The following CAP2 variants were observed in gnomAD, a reference collection of about 807,000 sequenced individuals.
The protein encoded by CAP2 is adenylyl cyclase-associated protein 2.
Under a neutral mutation model 57.7 loss-of-function variants are expected in CAP2, and 24 were observed. The ratio of observed to expected loss-of-function variants is 0.42; its 90% CI spans 0.30 to 0.58. CAP2 has a LOEUF of 0.58. Ranked by LOEUF, CAP2 falls within the 20% of genes least tolerant of loss-of-function variation. The probability of loss-of-function intolerance (pLI) is 0.22; values close to 1 mark genes in which losing one functional copy is unlikely to be tolerated. For missense variants in CAP2, 501 were observed against 590.3 expected, an observed-to-expected ratio of 0.85 and a Z score of 1.57; for synonymous variants, 194 against 207.2, an observed-to-expected ratio of 0.94 and a Z score of 0.55.
At position 17,428,774 on chromosome 6, in the gene CAP2, T is replaced by TAA. The variant is rs5874606; in HGVS notation, c.222+2094_222+2095dup. Among the ~76,000 whole-genome samples, 307 of 147,142 alleles carry TAA rather than the reference T, an allele frequency of 2.1e-3. 1 individual carries two copies. The highest frequency in any genetic ancestry group is 6.4e-3 in the African/African-American group (253 of 39,832). Reference sequence around the variant, plus strand: ...ATGTACCCTAAAACTTAAAGTATAATAAAAAAAAAAAGTTAAAAAAAGTAT... The same window carrying TAA: ...ATGTACCCTAAAACTTAAAGTATAATAAAAAAAAAAAAAGTTAAAAAAAGTAT... On this transcript the variant is annotated intron_variant, in intron 3 of 12. Coordinates refer to ENST00000229922, the MANE Select transcript of CAP2 (RefSeq NM_006366.3).
intron 1 of CAP2, among the ~76,000 whole-genome samples, chr6:17,411,547 G>A (rs1759141062): frequency 6.6e-6 from 1 of 152,198 alleles, no homozygotes; most frequent in African/African-American, 2.4e-5. Context: ...GATTACTGAT[G>A]TTGAGCCCTT....
At chr6:17,393,960 G>C (rs1339460921) in intron 1 of CAP2, among the ~76,000 whole-genome samples, 1 of 147,824 alleles carries the variant, frequency 6.8e-6, no homozygotes, top group Non-Finnish European at 1.5e-5. Flanking sequence ...CGCGGGCGCG[G>C]GCGGACTCCC....
chr6:17,434,879 C>A (rs574708848), intron 3 of CAP2, among the ~76,000 whole-genome samples: 2 of 150,144 alleles, frequency 1.3e-5, no homozygotes, highest in African/African-American at 4.9e-5. Flanking sequence ...AGGACATGAA[C>A]AGACACTTCT....
At chr6:17,468,951 T>C (rs1018245339) in intron 4 of CAP2, among the ~76,000 whole-genome samples, 1 of 152,196 alleles carries the variant, frequency 6.6e-6, no homozygotes, top group African/African-American at 2.4e-5. Context: ...ACACTACACG[T>C]CATTTATAAG....
intron 3 of CAP2, among the ~76,000 whole-genome samples, chr6:17,445,029 T>C (rs1359705257): frequency 6.6e-6 from 1 of 152,218 alleles, no homozygotes; most frequent in Non-Finnish European, 1.5e-5. Flanking sequence ...TATTGACTTA[T>C]AATCACTGAC....
chr6:17,512,132 G>A (rs1762170805), intron 6 of CAP2, among the ~76,000 whole-genome samples: 1 of 152,108 alleles, frequency 6.6e-6, no homozygotes, highest in South Asian at 2.1e-4. Flanking sequence ...GCTCATGCCT[G>A]TAATCCCAGC....
At chr6:17,512,710 T>A (rs919029377) in intron 6 of CAP2, among the ~76,000 whole-genome samples, 2 of 152,314 alleles carry the variant, frequency 1.3e-5, no homozygotes, top group East Asian at 3.9e-4. Flanking sequence ...TTTCATACAT[T>A]TGATGAATAT....
At chr6:17,471,478 G>A (rs1358958192) in intron 4 of CAP2, among the ~76,000 whole-genome samples, 1 of 152,154 alleles carries the variant, frequency 6.6e-6, no homozygotes, top group Non-Finnish European at 1.5e-5. Context: ...TTTTTAATGG[G>A]TTTTTAAATA....
At position 17,539,446 on chromosome 6, in the gene CAP2, GCAATTAC is replaced by G; in HGVS notation, c.815_821del (p.Ala272GlufsTer71). On this transcript the variant is annotated frameshift_variant, in exon 8 of 13. Coordinates refer to ENST00000229922, the MANE Select transcript of CAP2 (RefSeq NM_006366.3). LOFTEE classifies it high-confidence loss of function. ...ATTTGCCCAACTTAACCAGGGAGAA[GCAATTAC>G]AAAAGGTGAGAGAGAAAAGAAGACC... The G allele has an allele frequency of 6.2e-7, 1 of 1,613,754 alleles. No individual in the cohort carries two copies. Among genetic ancestry groups the G allele is most frequent in the Non-Finnish European group, 8.5e-7 (1 of 1,179,718 alleles).
chr6:17,422,252 G>T (rs563564215), intron 2 of CAP2, among the ~76,000 whole-genome samples: 1 of 151,754 alleles, frequency 6.6e-6, no homozygotes, highest in African/African-American at 2.4e-5. Context: ...CTAAAGTTTT[G>T]AAGGAAGCTG....
intron 4 of CAP2, among the ~76,000 whole-genome samples, chr6:17,473,896 G>A (rs1761083266): frequency 6.6e-6 from 1 of 152,098 alleles, no homozygotes; most frequent in African/African-American, 2.4e-5. Context: ...GCTCTTAATT[G>A]AAAATGCAGG....
chr6:17,547,414 T>C (rs1350825553), intron 11 of CAP2, among the ~76,000 whole-genome samples: 1 of 152,082 alleles, frequency 6.6e-6, no homozygotes, highest in East Asian at 1.9e-4. Context: ...CACACTTCAT[T>C]TGAAACTTCA....
At chr6:17,468,727 T>C (rs923362040) in intron 4 of CAP2, among the ~76,000 whole-genome samples, 1 of 152,212 alleles carries the variant, frequency 6.6e-6, no homozygotes, top group Non-Finnish European at 1.5e-5. Flanking sequence ...GATTCTCACA[T>C]GGAAAATGGC....
At chr6:17,425,817 G>A (rs1388689299) in intron 2 of CAP2, among the ~76,000 whole-genome samples, 1 of 152,144 alleles carries the variant, frequency 6.6e-6, no homozygotes, top group African/African-American at 2.4e-5. Flanking sequence ...ATGGAGATCC[G>A]GGCATGGTGG....
chr6:17,439,695 C>T (rs957574277), intron 3 of CAP2, among the ~76,000 whole-genome samples: 2 of 151,518 alleles, frequency 1.3e-5, no homozygotes, highest in African/African-American at 2.4e-5. Flanking sequence ...AGATCCCTCG[C>T]GTGCAGTGTT....
At chr6:17,509,363 C>T (rs1365810062) in intron 6 of CAP2, among the ~76,000 whole-genome samples, 1 of 151,830 alleles carries the variant, frequency 6.6e-6, no homozygotes, top group Non-Finnish European at 1.5e-5. Context: ...AAGTTAAGAA[C>T]TATGTAACAA....
intron 1 of CAP2, among the ~76,000 whole-genome samples, chr6:17,408,532 A>G (rs1210707784): frequency 6.6e-6 from 1 of 152,182 alleles, no homozygotes; most frequent in Admixed American, 6.5e-5. Flanking sequence ...CAGGGGGTCA[A>G]ACAAACCAGA....
intron 7 of CAP2, among the ~76,000 whole-genome samples, chr6:17,534,824 G>T (rs1004283108): frequency 1.1e-4 from 16 of 152,142 alleles, no homozygotes; most frequent in Admixed American, 3.9e-4. Context: ...ACCCTGAGGG[G>T]TCGTGTTTTT....
intron 4 of CAP2, among the ~76,000 whole-genome samples, chr6:17,475,181 C>T (rs952320817): frequency 1.4e-5 from 2 of 139,690 alleles, no homozygotes; most frequent in Non-Finnish European, 3.0e-5. Flanking sequence ...CGCAGCAGAG[C>T]AAGACTCCAT....
Sources: allele counts gnomAD v4.1 joint callset (sites outside exome capture counted in the v4.1 genomes callset), GRCh38; gene constraint gnomAD v4.1.1; transcripts MANE v1.5; gene names NCBI Gene and HGNC (gene_info 2026-07-23, HGNC 2026-07-21).